POLG2: variants seen among roughly 807,000 people sequenced by gnomAD.
POLG2 encodes DNA polymerase gamma 2, accessory subunit, also known as DNA polymerase subunit gamma-2.
POLG2 carries 50 observed loss-of-function variants against 56.5 expected under a neutral mutation model. The observed-to-expected ratio is 0.88, with a 90% CI of 0.71 to 1.12. POLG2 has a LOEUF of 1.12. Among genes scored for constraint, POLG2 ranks in the 50% most tolerant of loss-of-function variants. The pLI is 0.00. For synonymous variants in POLG2, 226 were observed against 222.6 expected (o/e 1.02, Z -0.14); for missense variants, 584 against 583.3 (o/e 1.00, Z -0.01).
intron 7 of POLG2, among the ~76,000 whole-genome samples, chr17:64,478,483 T>C (rs529449488): frequency 1.3e-5 from 2 of 152,354 alleles, no homozygotes; most frequent in Admixed American, 1.3e-4. Flanking sequence ...GCTGACCTTC[T>C]GTATGCTTAC....
rs561230251 is a variant in POLG2, at chr17:64,496,799, G to A, written c.170C>T (p.Pro57Leu). 6.2e-7 allele frequency: 1 copy of A among 1,613,548 alleles called. No individual in the cohort carries two copies. Among genetic ancestry groups the A allele is most frequent in the East Asian group, 2.2e-5 (1 of 44,872 alleles). Reference protein sequence around the residue: ...HAELEGNGEHPEAPGSGEGSE... With the variant: ...HAELEGNGEHLEAPGSGEGSE... Reference sequence around the variant, plus strand: ...TCCCTCTCCAGACCCGGGGGCTTCTGGGTGCTCGCCGTTCCCCTCGAGCTC... The same window carrying A: ...TCCCTCTCCAGACCCGGGGGCTTCTAGGTGCTCGCCGTTCCCCTCGAGCTC... The change falls in exon 1 of 8, where the codon CCA (proline) becomes CTA (leucine). Residue 57 changes from proline to leucine, a missense_variant. By Grantham distance (98) the Pro-to-Leu change is moderately conservative (BLOSUM62 -3). Coordinates refer to ENST00000539111, the MANE Select transcript of POLG2 (RefSeq NM_007215.4).
rs782677439 is a variant in POLG2, at chr17:64,480,294, A to G, written c.1287T>C (p.Tyr429=). ...ETMQSSLEQL[Y]SKYDEMSILF... ...AATGAAAATACAATTCTTACTTCGAATAAAGTTGTTCCAATGAGGACTGCA... is the reference window on the plus strand; with the variant it reads ...AATGAAAATACAATTCTTACTTCGAGTAAAGTTGTTCCAATGAGGACTGCA... The change falls in exon 7 of 8, where the codon TAT becomes TAC. Residue 429 remains tyrosine (Y), a synonymous_variant. Coordinates refer to ENST00000539111, the MANE Select transcript of POLG2 (RefSeq NM_007215.4). 6.7e-7 allele frequency: 1 copy of G among 1,501,656 alleles called. No individual in the cohort carries two copies. Among genetic ancestry groups the G allele is most frequent in the South Asian group, 1.2e-5 (1 of 86,828 alleles). 93.0% of individuals were successfully genotyped at this position (1,501,656 alleles called of 1,614,324 possible).
In POLG2 at chr17:64,496,523, G is replaced by A. The variant is rs372674581; in HGVS notation, c.446C>T (p.Ser149Phe). 1 of 1,613,586 alleles carries A rather than the reference G, an allele frequency of 6.2e-7. No homozygotes were observed. Among genetic ancestry groups the A allele is most frequent in the Non-Finnish European group, 8.5e-7 (1 of 1,179,656 alleles). ...LPGDSAFRLV[S>F]AETLREILQD... ...CAAGATTTCGCGTAGAGTTTCTGCA[G>A]AAACTAACCTGAAGGCACTGTCCCC... Residue 149 changes from serine (S) to phenylalanine (F), a missense_variant, in exon 1 of 8, where the codon TCT (serine) becomes TTT (phenylalanine). Transcript: ENST00000539111.
At chr17:64,486,969 T>G (rs945823749) in intron 4 of POLG2, 2 of 152,266 alleles carry the variant, frequency 1.3e-5, no homozygotes, top group African/African-American at 4.8e-5. Flanking sequence ...TCTTAAGTTT[T>G]GGATAAAAAC....
At chr17:64,485,652 C>T (rs138808546) in intron 5 of POLG2, 76 bp downstream of exon 5, 59 of 1,153,766 alleles carry the variant, frequency 5.1e-5, no homozygotes, top group East Asian at 9.3e-5. Context: ...TGTTAGAAAC[C>T]GAGCACACTA....
chr17:64,484,118 G>A (rs994422118), intron 5 of POLG2: 2 of 152,182 alleles, frequency 1.3e-5, no homozygotes, highest in Non-Finnish European at 2.9e-5. Flanking sequence ...TCGTGGCAGG[G>A]AGAAACAGAC....
chr17:64,490,760 G>A (rs2038044033), intron 4 of POLG2, 36 bp downstream of exon 4: 3 of 1,524,424 alleles, frequency 2.0e-6, no homozygotes, highest in Non-Finnish European at 2.7e-6. Context: ...AGAGAATCTG[G>A]GTAAAAAATA....
At chr17:64,494,382 A>C (rs1173597454) in intron 1 of POLG2, among the ~76,000 whole-genome samples, 3 of 152,122 alleles carry the variant, frequency 2.0e-5, no homozygotes, top group African/African-American at 7.2e-5. Context: ...TGGTTAAGGT[A>C]GTAAATATCC....
At position 64,496,920 on chromosome 17, in the gene POLG2, G is replaced by A. The variant is rs1555669667; in HGVS notation, c.49C>T (p.Leu17=). 2 of 1,612,088 alleles carry A rather than the reference G, an allele frequency of 1.2e-6. No homozygotes were observed. Among genetic ancestry groups the A allele is most frequent in the East Asian group, 2.2e-5 (1 of 44,890 alleles). The part of the protein sequence containing the change: ...VRACHKVCRC[L]LSGFGGRVDA... ...ACTCGACCCCCAAACCCAGACAACA[G>A]GCACCTGCAGACCTTATGGCAGGCC... The change falls in exon 1 of 8, where the codon CTG becomes TTG. Residue 17 remains leucine (L), a synonymous_variant. Transcript: ENST00000539111.
chr17:64,483,115 TATA>T (rs1424414583), intron 5 of POLG2, 116 bp from the exon 6 acceptor site: 1 of 598,166 alleles, frequency 1.7e-6, no homozygotes, highest in Non-Finnish European at 3.0e-6. Flanking sequence ...TCTTAACAGT[TATA>T]ATTTTCTGTG....
At chr17:64,495,177 C>A (rs868921208) in intron 1 of POLG2, among the ~76,000 whole-genome samples, 689 of 119,114 alleles carry the variant, frequency 5.8e-3, no homozygotes, top group South Asian at 6.4e-3. Flanking sequence ...GACTCTGTCT[C>A]AAAAAAAAAA....
At chr17:64,482,747 G>A (rs576207903) in intron 6 of POLG2, among the ~76,000 whole-genome samples, 172 bp downstream of exon 6, 1 of 152,324 alleles carries the variant, frequency 6.6e-6, no homozygotes. Context: ...TCCAAAACCT[G>A]AAACCTTGAG....
At chr17:64,479,130 T>C (rs1228230154) in intron 7 of POLG2, among the ~76,000 whole-genome samples, 1 of 151,868 alleles carries the variant, frequency 6.6e-6, no homozygotes, top group Non-Finnish European at 1.5e-5. Context: ...AATAAAACCA[T>C]TAGATGCTCT....
intron 1 of POLG2, among the ~76,000 whole-genome samples, chr17:64,493,548 G>A (rs775700533): frequency 5.8e-4 from 89 of 152,152 alleles, no homozygotes; most frequent in Non-Finnish European, 5.9e-5. Flanking sequence ...GCAGTGGCAG[G>A]GTCTCGGCTC....
chr17:64,481,842 T>C (rs1410699230), intron 6 of POLG2, among the ~76,000 whole-genome samples: 1 of 151,458 alleles, frequency 6.6e-6, no homozygotes, highest in Non-Finnish European at 1.5e-5. Flanking sequence ...GCCACTGCAC[T>C]CCAGCCTGGG....
At chr17:64,491,769 C>G in intron 3 of POLG2, 1 of 651,104 alleles carries the variant, frequency 1.5e-6, no homozygotes, top group East Asian at 3.3e-5. Flanking sequence ...CAAGCACGAG[C>G]GGCTATGCAA....
At position 64,477,981 on chromosome 17, in the gene POLG2, C is replaced by T. The variant is rs1555665819; in HGVS notation, c.1300G>A (p.Glu434Lys). ...AAAACTGTGAAGAGAATACTCATTT[C>T]ATCATACCTAAGAAAAAAGTAGTTA... ...SLEQLYSKYD[E>K]MSILFTVLVT... Residue 434 changes from glutamate to lysine, a missense_variant, in exon 8 of 8, where the codon GAA becomes AAA. Coordinates refer to ENST00000539111, the MANE Select transcript of POLG2 (RefSeq NM_007215.4). The T allele has an allele frequency of 6.2e-7, 1 of 1,613,684 alleles. No individual in the cohort carries two copies. Among genetic ancestry groups the T allele is most frequent in the Non-Finnish European group, 8.5e-7 (1 of 1,179,780 alleles).
chr17:64,491,152 T>TC (rs2038051909), intron 3 of POLG2, among the ~76,000 whole-genome samples, 183 bp from the exon 4 acceptor site: 1 of 152,190 alleles, frequency 6.6e-6, no homozygotes, highest in Non-Finnish European at 1.5e-5. Flanking sequence ...GAGATGTGTC[T>TC]CATTCTGTTG....
At chr17:64,493,087 G>A (rs2038091514) in intron 1 of POLG2, 66 bp from the exon 2 acceptor site, 1 of 1,515,770 alleles carries the variant, frequency 6.6e-7, no homozygotes, top group African/African-American at 1.4e-5. Flanking sequence ...TTTGTCAATA[G>A]ACACATTAAT....
Sources: gnomAD v4.1 joint callset for allele counts (sites outside exome capture counted in the v4.1 genomes callset) on GRCh38, gnomAD v4.1.1 for gene constraint, MANE v1.5 for transcripts, NCBI Gene and HGNC (gene_info 2026-07-23, HGNC 2026-07-21) for gene names.